TMEM132D: variants seen among roughly 807,000 people sequenced by gnomAD.
TMEM132D encodes the protein mature OL transmembrane protein.
A neutral mutation model predicts 62.3 loss-of-function variants in TMEM132D; 21 were observed. That is an observed-to-expected ratio of 0.34 (90% CI 0.24 to 0.49). The LOEUF (loss-of-function observed/expected upper bound fraction) is 0.49. TMEM132D is among the 20% of genes least tolerant of loss of function. The probability of loss-of-function intolerance (pLI) is 0.99; values close to 1 mark genes in which losing one functional copy is unlikely to be tolerated. For missense variants in TMEM132D, 1,346 were observed against 1,402.8 expected (o/e 0.96, Z 0.65); for synonymous variants, 621 against 575.6 (o/e 1.08, Z -1.13).
intron 2 of TMEM132D, among the ~76,000 whole-genome samples, chr12:129,604,734 T>C (rs1878570731): frequency 6.6e-6 from 1 of 152,220 alleles, no homozygotes; most frequent in East Asian, 1.9e-4. Context: ...TTATCATACT[T>C]AGATACTGAA....
At chr12:129,343,826 G>C (rs1404541896) in intron 3 of TMEM132D, among the ~76,000 whole-genome samples, 1 of 152,058 alleles carries the variant, frequency 6.6e-6, no homozygotes. Context: ...AATCCCAGGG[G>C]AGGCTGAGGC....
intron 3 of TMEM132D, among the ~76,000 whole-genome samples, chr12:129,350,980 G>A (rs1391625220): frequency 6.6e-6 from 1 of 152,164 alleles, no homozygotes; most frequent in African/African-American, 2.4e-5. Flanking sequence ...TGTTTTGAAA[G>A]CCTCAATAAT....
At chr12:129,855,128 G>T (rs71466422) in intron 1 of TMEM132D, among the ~76,000 whole-genome samples, 4 of 111,906 alleles carry the variant, frequency 3.6e-5, no homozygotes, top group Admixed American at 3.4e-4. Context: ...GGCTGCCCTT[G>T]TAACAGAGTC....
intron 2 of TMEM132D, among the ~76,000 whole-genome samples, chr12:129,670,845 T>A (rs2137199467): frequency 6.6e-6 from 1 of 152,236 alleles, no homozygotes; most frequent in African/African-American, 2.4e-5. Context: ...AAAGTCCTCC[T>A]CAAAGTACCA....
chr12:129,348,447 A>C (rs2135666332), intron 3 of TMEM132D, among the ~76,000 whole-genome samples: 1 of 152,308 alleles, frequency 6.6e-6, no homozygotes, highest in Admixed American at 6.5e-5. Context: ...CAGCAAACCA[A>C]CACAGGAACA....
intron 5 of TMEM132D, among the ~76,000 whole-genome samples, chr12:129,087,310 TTTG>T (rs2135622535): frequency 6.6e-6 from 1 of 152,194 alleles, no homozygotes; most frequent in African/African-American, 2.4e-5. Context: ...GATTTTTTTC[TTTG>T]TTAAGGCTGA....
intron 4 of TMEM132D, among the ~76,000 whole-genome samples, chr12:129,300,497 C>T (rs1299987634): frequency 6.6e-6 from 1 of 152,184 alleles, no homozygotes; most frequent in Non-Finnish European, 1.5e-5. Context: ...AACATGTTGC[C>T]ACAAACTTAG....
chr12:129,720,896 C>G (rs1160133953), intron 1 of TMEM132D, among the ~76,000 whole-genome samples: 1 of 152,244 alleles, frequency 6.6e-6, no homozygotes, highest in Non-Finnish European at 1.5e-5. Context: ...GGAAGGCAGT[C>G]TGCCCAGCTG....
At chr12:129,194,200 G>A (rs1014099521) in intron 5 of TMEM132D, among the ~76,000 whole-genome samples, 2 of 152,198 alleles carry the variant, frequency 1.3e-5, no homozygotes, top group Non-Finnish European at 2.9e-5. Context: ...ATATGGAGAA[G>A]CAATTAGGGC....
chr12:129,416,776 C>T (rs975376769), intron 3 of TMEM132D, among the ~76,000 whole-genome samples: 1 of 152,026 alleles, frequency 6.6e-6, no homozygotes, highest in Non-Finnish European at 1.5e-5. Flanking sequence ...TTATTGAAGG[C>T]CTTTTCTGCA....
intron 3 of TMEM132D, among the ~76,000 whole-genome samples, chr12:129,516,499 A>G (rs765168473): frequency 2.7e-4 from 41 of 152,338 alleles, no homozygotes; most frequent in Admixed American, 1.9e-3. Context: ...ACAGGAGAGA[A>G]AATGAGAGCT....
At chr12:129,554,343 C>T (rs930113156) in intron 2 of TMEM132D, among the ~76,000 whole-genome samples, 4 of 152,130 alleles carry the variant, frequency 2.6e-5, no homozygotes, top group African/African-American at 9.7e-5. Flanking sequence ...CCAGGTGGTG[C>T]TGGGTTTCAA....
intron 2 of TMEM132D, among the ~76,000 whole-genome samples, chr12:129,657,331 G>T (rs1880114195): frequency 6.6e-6 from 1 of 152,310 alleles, no homozygotes; most frequent in African/African-American, 2.4e-5. Context: ...GGAACAATGG[G>T]ATAGGATGGG....
intron 1 of TMEM132D, among the ~76,000 whole-genome samples, chr12:129,709,897 A>G (rs966671976): frequency 3.0e-4 from 45 of 152,384 alleles, no homozygotes; most frequent in African/African-American, 1.0e-3. Context: ...GCTATGACAC[A>G]AAAATTGTAA....
At chr12:129,527,726 A>G (rs1876089782) in intron 3 of TMEM132D, among the ~76,000 whole-genome samples, 1 of 152,218 alleles carries the variant, frequency 6.6e-6, no homozygotes, top group African/African-American at 2.4e-5. Context: ...ACTGAGCAAG[A>G]TTTTGCAAAT....
intron 3 of TMEM132D, among the ~76,000 whole-genome samples, chr12:129,496,239 A>C (rs748835199): frequency 6.6e-6 from 1 of 152,228 alleles, no homozygotes; most frequent in Non-Finnish European, 1.5e-5. Context: ...AGTTAGAAGT[A>C]TTCATAAGAC....
At chr12:129,383,941 G>A (rs939743713) in intron 3 of TMEM132D, among the ~76,000 whole-genome samples, 1 of 152,184 alleles carries the variant, frequency 6.6e-6, no homozygotes, top group Non-Finnish European at 1.5e-5. Flanking sequence ...GAGGAACACT[G>A]GGTTAGACAA....
intron 4 of TMEM132D, among the ~76,000 whole-genome samples, chr12:129,312,717 C>T (rs1180382262): frequency 6.6e-6 from 1 of 152,168 alleles, no homozygotes; most frequent in East Asian, 1.9e-4. Context: ...ACTACAGGCG[C>T]CCGCCACTAT....
At chr12:129,076,854 C>T (rs1463284019) in intron 8 of TMEM132D, among the ~76,000 whole-genome samples, 1 of 152,224 alleles carries the variant, frequency 6.6e-6, no homozygotes, top group Non-Finnish European at 1.5e-5. Flanking sequence ...CTTATCCCTT[C>T]CTTAACGCCT....
Sources: allele counts gnomAD v4.1 joint callset (sites outside exome capture counted in the v4.1 genomes callset), GRCh38; gene constraint gnomAD v4.1.1; transcripts MANE v1.5; gene names NCBI Gene and HGNC (gene_info 2026-07-23, HGNC 2026-07-21).